The following CYP26B1 variants were observed in gnomAD, a reference collection of about 807,000 sequenced individuals.
The protein encoded by CYP26B1 is cytochrome P450 family 26 subfamily B member 1, also known as cytochrome P450 26B1.
CYP26B1 carries 8 observed loss-of-function variants against 39.1 expected under a neutral mutation model. The observed-to-expected ratio is 0.20, with a 90% CI of 0.12 to 0.37. The LOEUF is 0.37. Ranked by LOEUF, CYP26B1 falls within the 10% of genes least tolerant of loss-of-function variation. CYP26B1 has a pLI of 1.00. For synonymous variants in CYP26B1, 321 were observed against 314.3 expected (o/e 1.02, Z -0.23); for missense variants, 615 against 707.0 (o/e 0.87, Z 1.48).
chr2:72,138,541 C>T (rs547939851), intron 2 of CYP26B1, among the ~76,000 whole-genome samples: 1 of 152,222 alleles, frequency 6.6e-6, no homozygotes, highest in Non-Finnish European at 1.5e-5. Context: ...CCTTCTGGGG[C>T]TTCCCTCGGA....
chr2:72,142,775 A>G (rs1381095399), intron 2 of CYP26B1, among the ~76,000 whole-genome samples: 5 of 152,142 alleles, frequency 3.3e-5, no homozygotes, highest in Non-Finnish European at 7.4e-5. Flanking sequence ...AGGCTGTGGT[A>G]ACTGCTTCCA....
rs1407577896 is a variant in CYP26B1 at position 72,135,302 on chromosome 2, G to C, written c.547C>G (p.Gln183Glu). The C allele has an allele frequency of 2.5e-6, 4 of 1,614,082 alleles. No individual in the cohort carries two copies. In the Admixed American group the frequency reaches 5.0e-5, roughly 20 times the overall value. ...SSHPEAINVY[Q>E]EAQKLTFRMA... ...CGGAAGGTCAGCTTCTGCGCCTCCTGGTACACGTTGATGGCCTCGGGGTGG... is the reference window on the plus strand; with the variant it reads ...CGGAAGGTCAGCTTCTGCGCCTCCTCGTACACGTTGATGGCCTCGGGGTGG... The change falls in exon 3 of 6, where the codon CAG becomes GAG. Residue 183 changes from glutamine (Q) to glutamate (E), a missense_variant. Coordinates refer to ENST00000001146, the MANE Select transcript of CYP26B1 (RefSeq NM_019885.4).
At chr2:72,146,165 G>C (rs1039898406) in intron 1 of CYP26B1, among the ~76,000 whole-genome samples, 5 of 152,198 alleles carry the variant, frequency 3.3e-5, no homozygotes, top group Admixed American at 6.5e-5. Context: ...GGACCTGAGG[G>C]GGGGCAGAGA....
At chr2:72,132,896 C>A in intron 5 of CYP26B1, 127 bp downstream of exon 5, 1 of 1,490,300 alleles carries the variant, frequency 6.7e-7, no homozygotes, top group Non-Finnish European at 9.1e-7. Flanking sequence ...ACTGAAAGCT[C>A]CCTGAAAGCA....
At position 72,132,007 on chromosome 2, in the gene CYP26B1, T is replaced by A. The variant is rs1433220431; in HGVS notation, c.*220A>T. 1.7e-6 allele frequency: 1 copy of A among 598,686 alleles called. No homozygotes were observed. Among genetic ancestry groups the A allele is most frequent in the African/African-American group, 1.9e-5 (1 of 53,706 alleles). 37.1% of individuals were successfully genotyped at this position (598,686 alleles called of 1,614,324 possible). On this transcript the variant is annotated 3_prime_UTR_variant, in exon 6 of 6. Transcript: ENST00000001146. Reference sequence around the variant, plus strand: ...TCCCAGGGGCTGAGCTGATGGTAAATGGGGAGTGGCTGGAGGGAAGCTGGA... The same window carrying A: ...TCCCAGGGGCTGAGCTGATGGTAAAAGGGGAGTGGCTGGAGGGAAGCTGGA...
intron 1 of CYP26B1, among the ~76,000 whole-genome samples, chr2:72,145,336 C>T (rs1677091890): frequency 1.3e-5 from 2 of 152,310 alleles, no homozygotes; most frequent in South Asian, 2.1e-4. Context: ...GAACCCGGAG[C>T]CCTAATCACT....
intron 2 of CYP26B1, chr2:72,143,161 G>T (rs1676995816): frequency 6.2e-6 from 1 of 160,618 alleles, no homozygotes. Flanking sequence ...AATGGAGTGG[G>T]AGAGGTCGCG....
In CYP26B1 at chr2:72,132,055, A is replaced by C; in HGVS notation, c.*172T>G. Reference sequence around the variant, plus strand: ...GGAGCCAGAAGGGGAGCCCAGCCCTAGGAATGGGGCCCACTGGCTTTGGGT... The same window carrying C: ...GGAGCCAGAAGGGGAGCCCAGCCCTCGGAATGGGGCCCACTGGCTTTGGGT... On this transcript the variant is annotated 3_prime_UTR_variant, in exon 6 of 6. Transcript: ENST00000001146. The C allele has an allele frequency of 1.4e-6, 1 of 711,674 alleles. No individual in the cohort carries two copies. The highest frequency in any genetic ancestry group is 2.7e-5 in the East Asian group (1 of 36,576). 44.1% of individuals were successfully genotyped at this position (711,674 alleles called of 1,614,324 possible).
At position 72,129,604 on chromosome 2, in the gene CYP26B1, T is replaced by C. The variant is rs1488457508; in HGVS notation, c.*2623A>G. The C allele has an allele frequency of 7.0e-6, 1 of 143,426 alleles. No homozygotes were observed. The highest frequency in any genetic ancestry group is 1.5e-5 in the Non-Finnish European group (1 of 65,786). The allele number at this position is 143,426 out of a possible 1,614,324, so 8.9% of individuals were successfully genotyped here. On this transcript the variant is annotated 3_prime_UTR_variant, in exon 6 of 6. Transcript: ENST00000001146. ...ATAGTTTATAAAGACAGACACAAAA[T>C]TATAACATTTATGAAAAAAAAGGTT...
At chr2:72,139,103 G>A (rs999052157) in intron 2 of CYP26B1, among the ~76,000 whole-genome samples, 5 of 152,244 alleles carry the variant, frequency 3.3e-5, no homozygotes, top group African/African-American at 4.8e-5. Flanking sequence ...CATATGGATG[G>A]GCAGTAGGAG....
Position 72,131,252 on chromosome 2 carries a change from G to A in CYP26B1, c.*975C>T, listed in dbSNP as rs1439330576. The A allele has an allele frequency of 6.6e-6, 1 of 152,420 alleles. No homozygotes were observed. The highest frequency in any genetic ancestry group is 1.5e-5 in the Non-Finnish European group (1 of 68,070). The allele number at this position is 152,420 out of a possible 1,614,324, so 9.4% of individuals were successfully genotyped here. A position where few individuals can be genotyped will look rare whatever the true frequency, so the allele number is the denominator to read the frequency against. On this transcript the variant is annotated 3_prime_UTR_variant, in exon 6 of 6. Transcript: ENST00000001146. Reference sequence around the variant, plus strand: ...GCAGAGGCACCGGACTTCAGTCCAGGAGTGAGGCTCCGAGATTAAACCCAA... The same window carrying A: ...GCAGAGGCACCGGACTTCAGTCCAGAAGTGAGGCTCCGAGATTAAACCCAA...
chr2:72,134,484 G>A (rs952913571), intron 4 of CYP26B1, among the ~76,000 whole-genome samples: 1 of 152,180 alleles, frequency 6.6e-6, no homozygotes, highest in African/African-American at 2.4e-5. Context: ...GGCCTTCCAG[G>A]GATATTGGGA....
rs1676487284 is a variant in CYP26B1, at chr2:72,129,455, T to C, written c.*2772A>G. ...TATTAAAACGACTGTGATAAAAACA[T>C]ATTAATATTTTGAACCATGTTTACA... On this transcript the variant is annotated 3_prime_UTR_variant, in exon 6 of 6. Coordinates refer to ENST00000001146, the MANE Select transcript of CYP26B1 (RefSeq NM_019885.4). 1 of 152,630 alleles carries C rather than the reference T, an allele frequency of 6.6e-6. No individual in the cohort carries two copies. The highest frequency in any genetic ancestry group is 2.1e-4 in the South Asian group (1 of 4,824). 9.5% of individuals were successfully genotyped at this position (152,630 alleles called of 1,614,324 possible). A position where few individuals can be genotyped will look rare whatever the true frequency, so the allele number is the denominator to read the frequency against.
intron 2 of CYP26B1, among the ~76,000 whole-genome samples, chr2:72,137,406 C>T (rs1306585975): frequency 2.0e-5 from 3 of 152,238 alleles, no homozygotes; most frequent in Non-Finnish European, 4.4e-5. Flanking sequence ...CCACTGAGCA[C>T]CTAAACACCA....
At chr2:72,136,538 C>T (rs1572925427) in intron 2 of CYP26B1, among the ~76,000 whole-genome samples, 1 of 152,194 alleles carries the variant, frequency 6.6e-6, no homozygotes, top group Non-Finnish European at 1.5e-5. Flanking sequence ...CCGAAATTCC[C>T]GGTGGAGGGA....
chr2:72,141,690 AG>A (rs1216546345), intron 2 of CYP26B1, among the ~76,000 whole-genome samples: 1 of 152,248 alleles, frequency 6.6e-6, no homozygotes, highest in Non-Finnish European at 1.5e-5. Flanking sequence ...TCAGCAGATG[AG>A]CCATTCTCTC....
chr2:72,132,451 G>A lies in CYP26B1; in HGVS notation c.1315C>T (p.Arg439Trp), dbSNP rs1219442544. 2 of 1,613,372 alleles carry A rather than the reference G, an allele frequency of 1.2e-6. No homozygotes were observed. The highest frequency in any genetic ancestry group is 1.3e-5 in the African/African-American group (1 of 75,062). Reference protein sequence around the residue: ...FHYLPFGGGVRTCLGKHLAKL... With the variant: ...FHYLPFGGGVWTCLGKHLAKL... ...GCCAGGTGCTTGCCCAGGCAGGTCC[G>A]GACACCGCCACCGAACGGGAGGTAA... Residue 439 changes from arginine to tryptophan, a missense_variant, in exon 6 of 6, where the codon CGG becomes TGG. Physicochemically the swap from Arg to Trp is moderately radical, Grantham distance 101. Transcript: ENST00000001146.
In CYP26B1 at chr2:72,139,282, C is replaced by T. The variant is rs1676869889; in HGVS notation, c.430-3863G>A. On this transcript the variant is annotated intron_variant, in intron 2 of 5. Coordinates refer to ENST00000001146, the MANE Select transcript of CYP26B1 (RefSeq NM_019885.4). ...AACAGAGGGCAGGCAGCCGCTGAGG[C>T]AGCCGTCCGCACAGGGGTGACGCCA... Among the ~76,000 whole-genome samples the T allele has an allele frequency of 2.0e-5, 3 of 152,220 alleles. No individual in the cohort carries two copies. The South Asian group carries it at 6.2e-4, about 31-fold the overall frequency.
intron 4 of CYP26B1, 134 bp from the exon 5 acceptor site, chr2:72,133,441 TC>T: frequency 8.7e-7 from 1 of 1,152,008 alleles, no homozygotes; most frequent in Non-Finnish European, 1.3e-6. Context: ...GAATTCTGCT[TC>T]CTCTGAGCTT....
Sources: allele counts gnomAD v4.1 joint callset (sites outside exome capture counted in the v4.1 genomes callset), GRCh38; gene constraint gnomAD v4.1.1; transcripts MANE v1.5; gene names NCBI Gene and HGNC (gene_info 2026-07-23, HGNC 2026-07-21).